The following GDPD1 variants were observed in gnomAD, a reference collection of about 807,000 sequenced individuals.
GDPD1 encodes lysophospholipase D GDPD1.
In GDPD1, 28 loss-of-function variants were observed where a neutral mutation model predicts 45.1. The observed-to-expected ratio is 0.62, with a 90% confidence interval of 0.46 to 0.85. The LOEUF is 0.85. GDPD1 is among the 40% of genes least tolerant of loss of function. The pLI is 0.00. For synonymous variants in GDPD1, 139 were observed against 131.4 expected, an observed-to-expected ratio of 1.06 and a Z score of -0.40; for missense variants, 256 against 364.8, an observed-to-expected ratio of 0.70 and a Z score of 2.43.
intron 2 of GDPD1, among the ~76,000 whole-genome samples, chr17:59,237,907 T>C (rs1302988437): frequency 7.8e-6 from 1 of 128,568 alleles, no homozygotes; most frequent in Non-Finnish European, 1.6e-5. Flanking sequence ...CCATCTCTAC[T>C]AAAAATTTAA....
chr17:59,247,166 G>C lies in GDPD1; in HGVS notation c.322-1574G>C, dbSNP rs368740081. 1.4e-4 allele frequency among the ~76,000 whole-genome samples: 21 copies of C among 152,274 alleles called. No homozygotes were observed. The East Asian group carries it at 2.7e-3, about 20-fold the overall frequency. On this transcript the variant is annotated intron_variant, in intron 3 of 9. Coordinates refer to ENST00000284116, the MANE Select transcript of GDPD1 (RefSeq NM_182569.4). Reference sequence around the variant, plus strand: ...TACAGAGTTCCCACATACCAGCACAGTTACCGCACAGACACAGAGTCCCCC... The same window carrying C: ...TACAGAGTTCCCACATACCAGCACACTTACCGCACAGACACAGAGTCCCCC...
chr17:59,227,963 A>G (rs1413626118), intron 1 of GDPD1, among the ~76,000 whole-genome samples: 2 of 152,128 alleles, frequency 1.3e-5, no homozygotes, highest in Non-Finnish European at 1.5e-5. Context: ...TGAGCTCAGG[A>G]GTTTGAGACC....
intron 4 of GDPD1, among the ~76,000 whole-genome samples, chr17:59,253,030 A>C (rs761431730): frequency 6.6e-6 from 1 of 152,172 alleles, no homozygotes; most frequent in Non-Finnish European, 1.5e-5. Flanking sequence ...GTTTGTTATT[A>C]TCTATCCTGA....
At chr17:59,235,707 C>T (rs907039198) in intron 2 of GDPD1, among the ~76,000 whole-genome samples, 16 of 151,888 alleles carry the variant, frequency 1.1e-4, no homozygotes, top group Admixed American at 8.5e-4. Context: ...AGCCCAGCTA[C>T]TCGGGAGTCT....
chr17:59,269,025 G>A (rs1398711445), intron 7 of GDPD1, among the ~76,000 whole-genome samples: 2 of 151,888 alleles, frequency 1.3e-5, no homozygotes, highest in African/African-American at 2.4e-5. Context: ...TTGGCCGGGC[G>A]TGGTGGCTCA....
At position 59,261,913 on chromosome 17, in the gene GDPD1, C is replaced by CTTTTTTTTTTTTTTTTTT. The variant is rs58058526; in HGVS notation, c.576+4078_576+4095dup. ...TTTCCCAAAGTGCTGAGATTACAGG[C>CTTTTTTTTTTTTTTTTTT]TTTTTTTTTTTTTTTTTTTTTTGAG... On this transcript the variant is annotated intron_variant, in intron 6 of 9. Transcript: ENST00000284116. 1.8e-4 allele frequency among the ~76,000 whole-genome samples: 14 copies of CTTTTTTTTTTTTTTTTTT among 79,334 alleles called. 1 individual carries two copies. The highest frequency in any genetic ancestry group is 1.9e-4 in the African/African-American group (3 of 15,696). The allele number at this position is 79,334 out of a possible 152,430, so 52.0% of individuals were successfully genotyped here. A position where few individuals can be genotyped will look rare whatever the true frequency, so the allele number is the denominator to read the frequency against.
At chr17:59,252,025 A>G (rs1276148969) in intron 4 of GDPD1, among the ~76,000 whole-genome samples, 1 of 150,498 alleles carries the variant, frequency 6.6e-6, no homozygotes, top group African/African-American at 2.4e-5. Context: ...AAAAGAAAAG[A>G]AAACAAGAAA....
At chr17:59,252,437 CCT>C (rs1396958193) in intron 4 of GDPD1, among the ~76,000 whole-genome samples, 1 of 151,592 alleles carries the variant, frequency 6.6e-6, no homozygotes, top group Non-Finnish European at 1.5e-5. Context: ...CGAGGTTTCA[CCT>C]TGTTGGCCAG....
intron 6 of GDPD1, among the ~76,000 whole-genome samples, chr17:59,260,060 C>CA (rs56936442): frequency 0.071 from 1,836 of 25,844 alleles, 716 homozygotes; most frequent in Non-Finnish European, 0.096. Context: ...GACCCTGTCT[C>CA]AAAAAAAAAA....
chr17:59,249,658 T>C (rs1332035898), intron 4 of GDPD1, among the ~76,000 whole-genome samples: 1 of 152,220 alleles, frequency 6.6e-6, no homozygotes, highest in African/African-American at 2.4e-5. Flanking sequence ...CTTCAGATGT[T>C]AGAATGGAAA....
chr17:59,271,117 G>A lies in GDPD1; in HGVS notation c.770+122G>A. ...TGTAACAAGGACAAATTGAGCACCT[G>A]CTATGTAAAATGTGTATGAATCATT... On this transcript the variant is annotated intron_variant, in intron 8 of 9. Transcript: ENST00000284116. 3 of 588,148 alleles carry A rather than the reference G, an allele frequency of 5.1e-6. No individual in the cohort carries two copies. The South Asian group carries it at 6.9e-5, about 13-fold the overall frequency. 36.4% of individuals were successfully genotyped at this position (588,148 alleles called of 1,614,324 possible). A position where few individuals can be genotyped will look rare whatever the true frequency, so the allele number is the denominator to read the frequency against.
chr17:59,245,945 A>AC (rs2047207612), intron 3 of GDPD1, among the ~76,000 whole-genome samples: 1 of 151,910 alleles, frequency 6.6e-6, no homozygotes, highest in Non-Finnish European at 1.5e-5. Context: ...ACATGGTGAA[A>AC]CCCCATCTCT....
At chr17:59,268,264 G>A (rs2047413397) in intron 7 of GDPD1, among the ~76,000 whole-genome samples, 1 of 152,104 alleles carries the variant, frequency 6.6e-6, no homozygotes. Flanking sequence ...TGATTTAAAT[G>A]TGATTTTATT....
intron 4 of GDPD1, among the ~76,000 whole-genome samples, chr17:59,251,010 T>A (rs1041972764): frequency 6.6e-6 from 1 of 152,174 alleles, no homozygotes; most frequent in African/African-American, 2.4e-5. Context: ...CTGGCCAATT[T>A]TTGAATGTGA....
intron 2 of GDPD1, among the ~76,000 whole-genome samples, chr17:59,238,306 G>C (rs1395473169): frequency 6.7e-6 from 1 of 150,104 alleles, no homozygotes; most frequent in Non-Finnish European, 1.5e-5. Context: ...AAAACTGACA[G>C]AAGTAATTAT....
chr17:59,275,889 T>G lies in GDPD1; in HGVS notation c.*2116T>G, dbSNP rs541313693. ...CAATGAAACTGCTATGAAGAATGAC[T>G]GTACTCTCCTATCTGTCCCTGGATG... On this transcript the variant is annotated 3_prime_UTR_variant, in exon 10 of 10. Transcript: ENST00000284116. 6.6e-6 allele frequency: 1 copy of G among 152,358 alleles called. No homozygotes were observed. The highest frequency in any genetic ancestry group is 2.1e-4 in the South Asian group (1 of 4,828). 9.4% of individuals were successfully genotyped at this position (152,358 alleles called of 1,614,324 possible).
intron 7 of GDPD1, among the ~76,000 whole-genome samples, chr17:59,269,597 C>T (rs953061530): frequency 1.3e-5 from 2 of 151,492 alleles, no homozygotes; most frequent in Non-Finnish European, 2.9e-5. Flanking sequence ...CAGAGGCAGG[C>T]GGATCACCTG....
chr17:59,252,968 T>G (rs1347332315), intron 4 of GDPD1, among the ~76,000 whole-genome samples: 1 of 152,196 alleles, frequency 6.6e-6, no homozygotes, highest in Non-Finnish European at 1.5e-5. Flanking sequence ...CACTTCAGCC[T>G]GGGCAACAGA....
At chr17:59,256,069 A>C (rs772697254) in intron 4 of GDPD1, among the ~76,000 whole-genome samples, 10 of 151,634 alleles carry the variant, frequency 6.6e-5, no homozygotes, top group Non-Finnish European at 1.2e-4. Context: ...CTGTAATCCC[A>C]GCACTTCGGG....
Sources: allele counts gnomAD v4.1 joint callset (sites outside exome capture counted in the v4.1 genomes callset), GRCh38; gene constraint gnomAD v4.1.1; transcripts MANE v1.5; gene names NCBI Gene and HGNC (gene_info 2026-07-23, HGNC 2026-07-21).